NRXN3: variants seen among roughly 807,000 people sequenced by gnomAD.
NRXN3 encodes the protein neurexin III.
Under a neutral mutation model 137.6 loss-of-function variants are expected in NRXN3, and 32 were observed. That is an observed-to-expected ratio of 0.23 (90% CI 0.18 to 0.31). NRXN3 has a LOEUF of 0.31. NRXN3 is among the 10% of genes least tolerant of loss of function. The pLI is 1.00. For missense variants in NRXN3, 1,574 were observed against 2,062.5 expected (o/e 0.76, Z 4.59); for synonymous variants, 798 against 784.5 (o/e 1.02, Z -0.29).
intron 15 of NRXN3, among the ~76,000 whole-genome samples, chr14:79,358,169 C>T (rs1236050393): frequency 6.6e-6 from 1 of 152,186 alleles, no homozygotes; most frequent in Non-Finnish European, 1.5e-5. Flanking sequence ...CAGGCTAAGC[C>T]TTGGTATTTC....
chr14:79,136,931 G>A (rs2058291565), intron 15 of NRXN3, among the ~76,000 whole-genome samples: 1 of 152,120 alleles, frequency 6.6e-6, no homozygotes, highest in African/African-American at 2.4e-5. Flanking sequence ...ACTACAGGAG[G>A]CATCCATGGA....
At chr14:78,916,012 C>G (rs1281447800) in intron 10 of NRXN3, among the ~76,000 whole-genome samples, 3 of 152,078 alleles carry the variant, frequency 2.0e-5, no homozygotes, top group African/African-American at 7.2e-5. Flanking sequence ...CAAGATAAGA[C>G]ACTCTTGTGT....
intron 8 of NRXN3, among the ~76,000 whole-genome samples, chr14:78,778,712 TTCTTTCTTTCTTTCTTTC>T (rs1471897357): frequency 6.7e-6 from 1 of 149,262 alleles, no homozygotes; most frequent in African/African-American, 2.5e-5. Context: ...CTTTCTTTCT[TTCTTTCTTTCTTTCTTTC>T]TCTCTCTCTT....
At chr14:79,282,165 G>A (rs890852122) in intron 15 of NRXN3, among the ~76,000 whole-genome samples, 1 of 151,798 alleles carries the variant, frequency 6.6e-6, no homozygotes, top group Non-Finnish European at 1.5e-5. Context: ...CACCAAAAAA[G>A]CAATTTCATT....
intron 4 of NRXN3, among the ~76,000 whole-genome samples, chr14:78,552,781 A>G (rs2096705215): frequency 6.6e-6 from 1 of 152,228 alleles, no homozygotes. Context: ...AATAAGACCT[A>G]GTGTTAGATC....
At chr14:79,071,399 A>C (rs2099687546) in intron 15 of NRXN3, among the ~76,000 whole-genome samples, 1 of 152,004 alleles carries the variant, frequency 6.6e-6, no homozygotes, top group African/African-American at 2.4e-5. Flanking sequence ...CCACTACCCA[A>C]CAGGCCCCAG....
chr14:78,689,824 T>C (rs919748093), intron 6 of NRXN3, among the ~76,000 whole-genome samples: 85 of 146,904 alleles, frequency 5.8e-4, no homozygotes, highest in Non-Finnish European at 8.9e-4. Flanking sequence ...CTCACTCTCT[T>C]TCTCTCTCTC....
intron 16 of NRXN3, among the ~76,000 whole-genome samples, chr14:79,518,578 C>T (rs970878306): frequency 6.6e-6 from 1 of 152,112 alleles, no homozygotes; most frequent in Non-Finnish European, 1.5e-5. Context: ...TGCTTCCTTA[C>T]AGAATCTTCT....
At chr14:78,840,155 A>G (rs2099008146) in intron 10 of NRXN3, among the ~76,000 whole-genome samples, 1 of 152,214 alleles carries the variant, frequency 6.6e-6, no homozygotes, top group African/African-American at 2.4e-5. Context: ...AGAATTAAGT[A>G]GGAATGGACA....
At chr14:79,803,502 C>T (rs1325837755) in intron 19 of NRXN3, among the ~76,000 whole-genome samples, 4 of 152,114 alleles carry the variant, frequency 2.6e-5, no homozygotes, top group African/African-American at 7.2e-5. Context: ...ATGTCTGCGT[C>T]CTACTGTCCT....
At chr14:78,976,033 A>G (rs2099464717) in intron 14 of NRXN3, among the ~76,000 whole-genome samples, 1 of 152,270 alleles carries the variant, frequency 6.6e-6, no homozygotes, top group Non-Finnish European at 1.5e-5. Flanking sequence ...TCTACAGAAC[A>G]TTCAGAAGTA....
intron 16 of NRXN3, among the ~76,000 whole-genome samples, chr14:79,517,095 C>CCA (rs1555499652): frequency 2.2e-5 from 3 of 133,918 alleles, no homozygotes; most frequent in African/African-American, 9.4e-5. Context: ...ATGTACAGCC[C>CCA]CCCCCCCCTC....
chr14:78,804,389 C>T (rs2098848551), intron 9 of NRXN3, among the ~76,000 whole-genome samples: 1 of 152,276 alleles, frequency 6.6e-6, no homozygotes, highest in Admixed American at 6.5e-5. Flanking sequence ...GATTGTTGTT[C>T]CCTTGGAAAA....
At chr14:79,839,955 AC>A (rs2099352377) in intron 20 of NRXN3, among the ~76,000 whole-genome samples, 1 of 151,646 alleles carries the variant, frequency 6.6e-6, no homozygotes, top group Non-Finnish European at 1.5e-5. Flanking sequence ...TACCCTTGTA[AC>A]ATTTCTGGAA....
At chr14:78,730,453 A>G (rs924741585) in intron 8 of NRXN3, among the ~76,000 whole-genome samples, 1 of 151,248 alleles carries the variant, frequency 6.6e-6, no homozygotes, top group African/African-American at 2.4e-5. Flanking sequence ...CTTCATTTCT[A>G]TTTATCGTTT....
At chr14:78,231,660 A>G (rs2065417621) in intron 1 of NRXN3, 1 of 152,164 alleles carries the variant, frequency 6.6e-6, no homozygotes, top group South Asian at 2.1e-4. Context: ...TTATTAGCAT[A>G]TGACTTTGGA....
At chr14:79,172,272 G>A (rs1029127721) in intron 15 of NRXN3, among the ~76,000 whole-genome samples, 15 of 151,836 alleles carry the variant, frequency 9.9e-5, no homozygotes, top group Non-Finnish European at 7.4e-5. Flanking sequence ...CCCCAAATTT[G>A]AGCTTCCATT....
At chr14:79,771,268 C>T (rs1465665661) in intron 19 of NRXN3, among the ~76,000 whole-genome samples, 1 of 152,154 alleles carries the variant, frequency 6.6e-6, no homozygotes, top group Non-Finnish European at 1.5e-5. Context: ...CTCCCTAACT[C>T]ATTATATGAG....
chr14:79,602,241 T>A (rs555205251), intron 16 of NRXN3, among the ~76,000 whole-genome samples: 25 of 152,282 alleles, frequency 1.6e-4, no homozygotes, highest in African/African-American at 5.8e-4. Context: ...ATGTGGTTAT[T>A]ATGTGTTGTA....
Sources: gnomAD v4.1 joint callset for allele counts (sites outside exome capture counted in the v4.1 genomes callset) on GRCh38, gnomAD v4.1.1 for gene constraint, MANE v1.5 for transcripts, NCBI Gene and HGNC (gene_info 2026-07-23, HGNC 2026-07-21) for gene names.